Variants in CLVS1 observed in about 807,000 individuals in gnomAD.
CLVS1 encodes clavesin-1.
Under a neutral mutation model 33.1 loss-of-function variants are expected in CLVS1, and 10 were observed. The ratio of observed to expected loss-of-function variants is 0.30; its 90% CI spans 0.19 to 0.51. The LOEUF (loss-of-function observed/expected upper bound fraction) is 0.51. CLVS1 is among the 20% of genes least tolerant of loss of function. The pLI, the probability that CLVS1 is intolerant of heterozygous loss-of-function variation, is 0.97. For synonymous variants in CLVS1, 163 were observed against 166.1 expected (o/e 0.98, Z 0.14); for missense variants, 343 against 433.4 (o/e 0.79, Z 1.85).
At chr8:61,375,939 T>G (rs1219654345) in intron 2 of CLVS1, among the ~76,000 whole-genome samples, 1 of 152,204 alleles carries the variant, frequency 6.6e-6, no homozygotes, top group Non-Finnish European at 1.5e-5. Context: ...CATTCTAGTT[T>G]GTATTCAGGT....
At chr8:61,400,917 T>A (rs929901551) in intron 3 of CLVS1, among the ~76,000 whole-genome samples, 1 of 152,296 alleles carries the variant, frequency 6.6e-6, no homozygotes, top group African/African-American at 2.4e-5. Flanking sequence ...TTTGATGGGC[T>A]GTGGGATTCA....
At chr8:61,022,162 T>C in the CLVS1 span, among the ~76,000 whole-genome samples, 1 of 152,228 alleles carries the variant, frequency 6.6e-6, no homozygotes, top group East Asian at 1.9e-4. Context: ...AGTTTAGACA[T>C]GACCGATTTC....
At chr8:61,119,847 T>C (rs1805819110) in intron 1 of CLVS1, among the ~76,000 whole-genome samples, 1 of 126,710 alleles carries the variant, frequency 7.9e-6, no homozygotes, top group Non-Finnish European at 1.6e-5. Context: ...GACAATTATG[T>C]GTCTTGGAGT....
chr8:61,295,167 G>C (rs530679292), intron 1 of CLVS1, among the ~76,000 whole-genome samples: 1 of 152,174 alleles, frequency 6.6e-6, no homozygotes, highest in Non-Finnish European at 1.5e-5. Context: ...ATTTGAAATG[G>C]TGTCAAATAC....
intron 2 of CLVS1, among the ~76,000 whole-genome samples, chr8:61,180,955 T>C (rs1807216835): frequency 6.6e-6 from 1 of 152,078 alleles, no homozygotes; most frequent in Admixed American, 6.6e-5. Context: ...CTCTCACCAC[T>C]CCTATTCAAC....
At chr8:61,085,716 C>A (rs1805107062) in intron 1 of CLVS1, among the ~76,000 whole-genome samples, 1 of 146,206 alleles carries the variant, frequency 6.8e-6, no homozygotes, top group Non-Finnish European at 1.5e-5. Context: ...AATGGTGAAA[C>A]CCCATCCCTA....
At chr8:60,977,850 A>C in the CLVS1 span, among the ~76,000 whole-genome samples, 1 of 152,358 alleles carries the variant, frequency 6.6e-6, no homozygotes, top group African/African-American at 2.4e-5. Context: ...AGAAATCTAC[A>C]CAGAGACACA....
chr8:61,089,182 A>G (rs1053147284), intron 1 of CLVS1, among the ~76,000 whole-genome samples: 2 of 152,214 alleles, frequency 1.3e-5, no homozygotes, highest in African/African-American at 4.8e-5. Context: ...TGTAATGGCT[A>G]ATAACCCTAT....
At chr8:61,482,413 A>G (rs1284552818) in intron 5 of CLVS1, among the ~76,000 whole-genome samples, 1 of 152,246 alleles carries the variant, frequency 6.6e-6, no homozygotes, top group Non-Finnish European at 1.5e-5. Flanking sequence ...TCTCCGAGCT[A>G]AAGGAGGATG....
At chr8:61,382,396 G>A (rs73257358) in intron 3 of CLVS1, among the ~76,000 whole-genome samples, 128 of 152,218 alleles carry the variant, frequency 8.4e-4, no homozygotes, top group African/African-American at 3.0e-3. Flanking sequence ...AAGCCAACCT[G>A]GCTTCCAGGT....
chr8:61,181,431 T>C (rs1299720246), intron 2 of CLVS1, among the ~76,000 whole-genome samples: 2 of 152,224 alleles, frequency 1.3e-5, no homozygotes, highest in Non-Finnish European at 2.9e-5. Flanking sequence ...AATTCAATGC[T>C]ATTCCAATCA....
At chr8:61,067,073 G>A (rs1563390327) in intron 1 of CLVS1, among the ~76,000 whole-genome samples, 1 of 152,028 alleles carries the variant, frequency 6.6e-6, no homozygotes, top group Non-Finnish European at 1.5e-5. Context: ...TGGGTCACGA[G>A]AAGGACATTA....
the CLVS1 span, among the ~76,000 whole-genome samples, chr8:60,988,517 T>G: frequency 6.6e-6 from 1 of 151,400 alleles, no homozygotes; most frequent in Admixed American, 6.6e-5. Flanking sequence ...GTAAAACAGC[T>G]GCTGAAAAAA....
At chr8:61,125,594 ACT>A (rs1173122605) in intron 1 of CLVS1, among the ~76,000 whole-genome samples, 2 of 152,112 alleles carry the variant, frequency 1.3e-5, no homozygotes, top group African/African-American at 4.8e-5. Flanking sequence ...ATGCAAATGG[ACT>A]CTCATACTTG....
chr8:61,486,753 A>G (rs1387067135), intron 5 of CLVS1, among the ~76,000 whole-genome samples: 1 of 152,134 alleles, frequency 6.6e-6, no homozygotes, highest in African/African-American at 2.4e-5. Context: ...TCCTCACTAA[A>G]GTATCATCAC....
intron 2 of CLVS1, among the ~76,000 whole-genome samples, chr8:61,278,659 G>T (rs1809610342): frequency 6.6e-6 from 1 of 152,206 alleles, no homozygotes; most frequent in African/African-American, 2.4e-5. Context: ...TATAGATATA[G>T]ATAAAATATA....
At chr8:61,251,624 T>G (rs1368774616) in intron 2 of CLVS1, among the ~76,000 whole-genome samples, 1 of 152,208 alleles carries the variant, frequency 6.6e-6, no homozygotes, top group African/African-American at 2.4e-5. Flanking sequence ...ATTTGACTTC[T>G]TCCTGGTTTC....
intron 1 of CLVS1, among the ~76,000 whole-genome samples, chr8:61,114,082 T>C (rs559920317): frequency 6.6e-6 from 1 of 152,382 alleles, no homozygotes; most frequent in South Asian, 2.1e-4. Flanking sequence ...TGAATGATAA[T>C]GGCTGTGTTC....
At chr8:61,331,861 CCTT>C (rs1390737876) in intron 2 of CLVS1, among the ~76,000 whole-genome samples, 1 of 149,606 alleles carries the variant, frequency 6.7e-6, no homozygotes, top group East Asian at 2.0e-4. Context: ...TTCTTCTTCT[CCTT>C]CTTTTCCTGT....
Sources: allele counts gnomAD v4.1 joint callset (sites outside exome capture counted in the v4.1 genomes callset), GRCh38; gene constraint gnomAD v4.1.1; transcripts MANE v1.5; gene names NCBI Gene and HGNC (gene_info 2026-07-23, HGNC 2026-07-21).